PLOD2: variants seen among roughly 807,000 people sequenced by gnomAD.
The protein encoded by PLOD2 is lysine hydroxylase 2.
A neutral mutation model predicts 101.0 loss-of-function variants in PLOD2; 65 were observed. The observed-to-expected ratio is 0.64, with a 90% CI of 0.53 to 0.79. The LOEUF is 0.79. Ranked by LOEUF, PLOD2 falls within the 30% of genes least tolerant of loss-of-function variation. PLOD2 has a pLI of 0.00. For missense variants in PLOD2, 909 were observed against 914.6 expected, an observed-to-expected ratio of 0.99 and a Z score of 0.08; for synonymous variants, 314 against 302.9, an observed-to-expected ratio of 1.04 and a Z score of -0.38.
chr3:146,157,115 C>T (rs1278556969), intron 1 of PLOD2, among the ~76,000 whole-genome samples: 1 of 152,120 alleles, frequency 6.6e-6, no homozygotes, highest in Non-Finnish European at 1.5e-5. Context: ...AAAGGAAGCT[C>T]AGTGAATTCA....
At chr3:146,082,628 C>CT (rs1204311111) in intron 11 of PLOD2, among the ~76,000 whole-genome samples, 2 of 152,324 alleles carry the variant, frequency 1.3e-5, no homozygotes, top group African/African-American at 4.8e-5. Flanking sequence ...CGCAGTGGCT[C>CT]ATGCCTGTAA....
At chr3:146,157,573 A>G (rs2032361068) in intron 1 of PLOD2, among the ~76,000 whole-genome samples, 1 of 152,218 alleles carries the variant, frequency 6.6e-6, no homozygotes, top group Non-Finnish European at 1.5e-5. Context: ...TTCTCCAAAG[A>G]CACTGTGCTT....
chr3:146,086,705 CAATTTT>C, intron 10 of PLOD2, 76 bp downstream of exon 10: 1 of 1,045,758 alleles, frequency 9.6e-7, no homozygotes, highest in Non-Finnish European at 1.4e-6. Flanking sequence ...TTTGGCATAA[CAATTTT>C]AATTTAAAAG....
At chr3:146,105,488 T>C (rs1476731626) in intron 5 of PLOD2, among the ~76,000 whole-genome samples, 1 of 152,202 alleles carries the variant, frequency 6.6e-6, no homozygotes, top group African/African-American at 2.4e-5. Context: ...GCTTCAATGT[T>C]TTCTCAACAC....
In PLOD2 at chr3:146,076,544, C is replaced by T. The variant is rs568150564; in HGVS notation, c.1677+238G>A. The T allele has an allele frequency of 2.2e-3, 159 of 71,150 alleles. 2 individuals carry two copies. The highest frequency in any genetic ancestry group is 0.016 in the African/African-American group (154 of 9,784). 4.4% of individuals were successfully genotyped at this position (71,150 alleles called of 1,614,324 possible). On this transcript the variant is annotated intron_variant, in intron 15 of 19. Coordinates refer to ENST00000282903, the MANE Select transcript of PLOD2 (RefSeq NM_182943.3). ...TTCAAACTGCTTTCCAAATTCATTC[C>T]GACCAACAACGTACAAGCATTCCCT... is the stretch of plus-strand genomic sequence containing the variant.
At chr3:146,088,006 A>AGTGGTTT (rs1187207282) in intron 9 of PLOD2, among the ~76,000 whole-genome samples, 11 of 151,764 alleles carry the variant, frequency 7.2e-5, no homozygotes, top group Non-Finnish European at 1.6e-4. Context: ...ACAATGTTAA[A>AGTGGTTT]TACCAGTGGT....
Position 146,161,051 on chromosome 3 carries a change from G to C in PLOD2, c.-62C>G. Reference sequence around the variant, plus strand: ...ACGGCCCCGCAGCGCCGCGCTTCTCGCGAGAACGCAGAGACCCGGGTCCGC... The same window carrying C: ...ACGGCCCCGCAGCGCCGCGCTTCTCCCGAGAACGCAGAGACCCGGGTCCGC... On this transcript the variant is annotated 5_prime_UTR_variant, in exon 1 of 20. Transcript: ENST00000282903. 1 of 1,227,486 alleles carries C rather than the reference G, an allele frequency of 8.1e-7. No individual in the cohort carries two copies. Among genetic ancestry groups the C allele is most frequent in the Non-Finnish European group, 1.2e-6 (1 of 857,472 alleles). The allele number at this position is 1,227,486 out of a possible 1,614,324, so 76.0% of individuals were successfully genotyped here.
intron 1 of PLOD2, among the ~76,000 whole-genome samples, chr3:146,156,696 GCCTTTTCCCTTTTAGCAAAGCTTT>G (rs1021197923): frequency 6.6e-6 from 1 of 152,206 alleles, no homozygotes; most frequent in African/African-American, 2.4e-5. Context: ...TGCAAATTAT[GCCTTTTCCCTTTTAGCAAAGCTTT>G]CCTTTTGTTT....
rs185405061 is a variant in PLOD2, at chr3:146,093,056, T to C, written c.778-1155A>G. On this transcript the variant is annotated intron_variant, in intron 7 of 19. Coordinates refer to ENST00000282903, the MANE Select transcript of PLOD2 (RefSeq NM_182943.3). ...TGTTAAACATGGGGATCAAAAAATGTACCAAAGTGTCAACTAGAGTTTTCT... is the reference window on the plus strand; with the variant it reads ...TGTTAAACATGGGGATCAAAAAATGCACCAAAGTGTCAACTAGAGTTTTCT... Among the ~76,000 whole-genome samples the C allele has an allele frequency of 1.3e-4, 20 of 152,236 alleles. No homozygotes were observed. The East Asian group carries it at 3.5e-3, about 26-fold the overall frequency.
chr3:146,088,153 GC>G (rs1371380537), intron 9 of PLOD2, among the ~76,000 whole-genome samples: 2 of 151,614 alleles, frequency 1.3e-5, no homozygotes, highest in East Asian at 3.8e-4. Flanking sequence ...GGAATGGCAT[GC>G]CCTTGTGTAA....
intron 2 of PLOD2, chr3:146,123,421 G>C: frequency 4.4e-6 from 1 of 226,408 alleles, no homozygotes; most frequent in Non-Finnish European, 8.3e-6. Flanking sequence ...CTGATCACTT[G>C]TCAATGAGAT....
intron 1 of PLOD2, among the ~76,000 whole-genome samples, chr3:146,137,060 TGATGA>T (rs1350525717): frequency 6.6e-6 from 1 of 152,194 alleles, no homozygotes; most frequent in East Asian, 1.9e-4. Flanking sequence ...ACCAAACTTA[TGATGA>T]ACTGACATGT....
At chr3:146,112,404 A>C (rs1406272294) in intron 3 of PLOD2, among the ~76,000 whole-genome samples, 1 of 152,080 alleles carries the variant, frequency 6.6e-6, no homozygotes, top group African/African-American at 2.4e-5. Flanking sequence ...AGAAACAGAA[A>C]ACCAAACACC....
chr3:146,136,053 A>G (rs754729006), intron 1 of PLOD2, among the ~76,000 whole-genome samples: 1 of 152,084 alleles, frequency 6.6e-6, no homozygotes, highest in South Asian at 2.1e-4. Context: ...TTTTGATTGT[A>G]TGATTTTTTT....
At chr3:146,129,745 T>C (rs2030798286) in intron 1 of PLOD2, among the ~76,000 whole-genome samples, 1 of 152,152 alleles carries the variant, frequency 6.6e-6, no homozygotes, top group African/African-American at 2.4e-5. Context: ...CAGATTGTTT[T>C]TAAAAATTAT....
chr3:146,135,239 G>C (rs927080700), intron 1 of PLOD2, among the ~76,000 whole-genome samples: 2 of 152,076 alleles, frequency 1.3e-5, no homozygotes, highest in Admixed American at 1.3e-4. Context: ...CCCCTAACAA[G>C]TTGCTGAAGT....
At chr3:146,141,055 T>A (rs1576624811) in intron 1 of PLOD2, among the ~76,000 whole-genome samples, 1 of 152,084 alleles carries the variant, frequency 6.6e-6, no homozygotes, top group Non-Finnish European at 1.5e-5. Flanking sequence ...AGTTTTATTA[T>A]GTACTCTCAG....
At chr3:146,143,506 T>C (rs2031630355) in intron 1 of PLOD2, among the ~76,000 whole-genome samples, 1 of 152,036 alleles carries the variant, frequency 6.6e-6, no homozygotes, top group African/African-American at 2.4e-5. Flanking sequence ...CTGTGAGTAG[T>C]CTAAACCTAG....
intron 2 of PLOD2, among the ~76,000 whole-genome samples, chr3:146,122,628 G>C (rs2030245509): frequency 6.6e-6 from 1 of 152,044 alleles, no homozygotes; most frequent in South Asian, 2.1e-4. Context: ...TTGGTGGTCT[G>C]GGGTCCACAC....
Sources: gnomAD v4.1 joint callset for allele counts (sites outside exome capture counted in the v4.1 genomes callset) on GRCh38, gnomAD v4.1.1 for gene constraint, MANE v1.5 for transcripts, NCBI Gene and HGNC (gene_info 2026-07-23, HGNC 2026-07-21) for gene names.